IL7: variants seen among roughly 807,000 people sequenced by gnomAD.
IL7 encodes the protein interleukin-7.
Under a neutral mutation model 21.6 loss-of-function variants are expected in IL7, and 3 were observed. The observed-to-expected ratio is 0.14, with a 90% CI of 0.06 to 0.36. IL7 has a LOEUF of 0.36. Ranked by LOEUF, IL7 falls within the 10% of genes least tolerant of loss-of-function variation. IL7 has a pLI of 1.00. For synonymous variants in IL7, 62 were observed against 68.1 expected (o/e 0.91, Z 0.44); for missense variants, 175 against 200.2 (o/e 0.87, Z 0.76).
At chr8:78,693,216 G>A (rs1282211829) in intron 3 of IL7, among the ~76,000 whole-genome samples, 1 of 152,158 alleles carries the variant, frequency 6.6e-6, no homozygotes, top group Non-Finnish European at 1.5e-5. Flanking sequence ...CTTTATAGCA[G>A]CATGATTTAT....
At chr8:78,713,959 A>G (rs1811022054), downstream of IL7, among the ~76,000 whole-genome samples, 1 of 152,174 alleles carries the variant, frequency 6.6e-6, no homozygotes, top group African/African-American at 2.4e-5. Flanking sequence ...TGTTGTTATT[A>G]CCTGCATGTA....
At chr8:78,721,263 T>C (rs951300682) in intron 4 of IL7, 4 of 152,058 alleles carry the variant, frequency 2.6e-5, no homozygotes, top group Non-Finnish European at 4.4e-5. Flanking sequence ...CCATAAATTA[T>C]ACAGCTCAGC....
intron 2 of IL7, chr8:78,760,692 T>A: frequency 1.3e-6 from 2 of 1,585,452 alleles, no homozygotes; most frequent in Non-Finnish European, 1.7e-6. Flanking sequence ...GTTGGGACAC[T>A]TAGGGTTTCT....
At chr8:78,677,902 T>C (rs1809634267) in intron 4 of IL7, among the ~76,000 whole-genome samples, 1 of 152,166 alleles carries the variant, frequency 6.6e-6, no homozygotes, top group African/African-American at 2.4e-5. Context: ...TGCCCACTTT[T>C]ATGGTTATTT....
chr8:78,776,453 A>G (rs977020577), intron 2 of IL7, among the ~76,000 whole-genome samples: 12 of 152,106 alleles, frequency 7.9e-5, no homozygotes, highest in African/African-American at 2.9e-4. Flanking sequence ...AACTGAAACC[A>G]CAGAAGCTGA....
At chr8:78,804,503 C>G (rs1220796755) in intron 1 of IL7, among the ~76,000 whole-genome samples, 3 of 152,176 alleles carry the variant, frequency 2.0e-5, no homozygotes, top group Admixed American at 6.5e-5. Context: ...CTGCAAGAGC[C>G]CAGCTACTCG....
intron 3 of IL7, among the ~76,000 whole-genome samples, chr8:78,711,824 C>T (rs553834763): frequency 3.9e-4 from 59 of 152,048 alleles, no homozygotes; most frequent in African/African-American, 1.4e-3. Context: ...ATTGTATGAA[C>T]TCTCTGAGGA....
chr8:78,783,269 G>T (rs1330822941), intron 2 of IL7, among the ~76,000 whole-genome samples: 1 of 152,162 alleles, frequency 6.6e-6, no homozygotes, highest in African/African-American at 2.4e-5. Context: ...TGATTTGCAG[G>T]TTGCACCCAT....
chr8:78,770,751 A>T lies in IL7; in HGVS notation c.147+27321T>A, dbSNP rs539977307. Among the ~76,000 whole-genome samples, 91 of 152,148 alleles carry T rather than the reference A, an allele frequency of 6.0e-4. 2 individuals carry two copies. The highest frequency in any genetic ancestry group is 5.5e-3 in the Admixed American group (84 of 15,250). On this transcript the variant is annotated intron_variant, in intron 2 of 5. Transcript: ENST00000263851. ...AGATAGGTAGGAAGATAGTATGTAGACAGATACACAAATTATTTCCTTTTG... is the reference window on the plus strand; with the variant it reads ...AGATAGGTAGGAAGATAGTATGTAGTCAGATACACAAATTATTTCCTTTTG...
Position 78,695,411 on chromosome 8 carries a change from G to C in IL7, n.215-9464C>G, listed in dbSNP as rs186533014. 3.0e-3 allele frequency among the ~76,000 whole-genome samples: 464 copies of C among 152,224 alleles called. 3 individuals are homozygous for C. The highest frequency in any genetic ancestry group is 5.0e-3 in the Non-Finnish European group (340 of 67,998). On this transcript the variant is annotated intron_variant and non_coding_transcript_variant, in intron 3 of 4. Coordinates refer to the IL7 transcript ENST00000523959. ...AATGCTACCAGGAACCTTTCTGCCT[G>C]TTTCCTGCCTAAAGACTTGACCTCT...
At chr8:78,690,114 T>C (rs987218539) in intron 3 of IL7, among the ~76,000 whole-genome samples, 4 of 152,210 alleles carry the variant, frequency 2.6e-5, no homozygotes, top group African/African-American at 9.6e-5. Flanking sequence ...TGAATATAAA[T>C]GTATGGGTTT....
intron 3 of IL7, among the ~76,000 whole-genome samples, chr8:78,725,560 A>G (rs2130641610): frequency 6.6e-6 from 1 of 152,134 alleles, no homozygotes; most frequent in African/African-American, 2.4e-5. Context: ...TTTGCACTCA[A>G]AAACTCTTCA....
chr8:78,761,553 C>T, intron 2 of IL7: 2 of 1,611,842 alleles, frequency 1.2e-6, no homozygotes, highest in East Asian at 2.2e-5. Context: ...CCTATAAATT[C>T]CTCTCTTAGG....
At chr8:78,790,702 T>C (rs1813659695) in intron 2 of IL7, among the ~76,000 whole-genome samples, 1 of 151,916 alleles carries the variant, frequency 6.6e-6, no homozygotes, top group Non-Finnish European at 1.5e-5. Context: ...AAAAATTCCA[T>C]TTGCAATAGC....
chr8:78,769,912 C>G (rs1435342816), intron 2 of IL7, among the ~76,000 whole-genome samples: 1 of 152,082 alleles, frequency 6.6e-6, no homozygotes, highest in Non-Finnish European at 1.5e-5. Flanking sequence ...TTTGACAAAC[C>G]TGAGAAAAAC....
At chr8:78,780,931 T>C (rs1045904062) in intron 2 of IL7, among the ~76,000 whole-genome samples, 1 of 152,242 alleles carries the variant, frequency 6.6e-6, no homozygotes, top group African/African-American at 2.4e-5. Context: ...TGGGTGCATA[T>C]ATATTTAGGA....
chr8:78,790,383 A>G (rs2130827697), intron 2 of IL7, among the ~76,000 whole-genome samples: 1 of 152,276 alleles, frequency 6.6e-6, no homozygotes. Context: ...AAAGTACCTG[A>G]TATTTAATTC....
chr8:78,686,576 TTCC>T (rs376863949), intron 3 of IL7: 113 of 1,535,176 alleles, frequency 7.4e-5, no homozygotes, highest in South Asian at 2.9e-4. Flanking sequence ...GGTGGCAAAC[TTCC>T]TCCTCCTCCT....
chr8:78,681,901 C>CTTTTTTTTTTTT (rs56181953), intron 4 of IL7, among the ~76,000 whole-genome samples: 7 of 126,466 alleles, frequency 5.5e-5, no homozygotes, highest in East Asian at 2.3e-4. Flanking sequence ...CTTTTTCTTT[C>CTTTTTTTTTTTT]TTTTTTTTTT....
Sources: gnomAD v4.1 joint callset for allele counts (sites outside exome capture counted in the v4.1 genomes callset) on GRCh38, gnomAD v4.1.1 for gene constraint, MANE v1.5 for transcripts, NCBI Gene and HGNC (gene_info 2026-07-23, HGNC 2026-07-21) for gene names.